RBFOX1: variants seen among roughly 807,000 people sequenced by gnomAD.
RBFOX1 encodes the protein RNA binding protein fox-1 homolog 1.
In RBFOX1, 8 loss-of-function variants were observed where a neutral mutation model predicts 57.7. The ratio of observed to expected loss-of-function variants is 0.14; its 90% CI spans 0.08 to 0.25. RBFOX1 has a LOEUF of 0.25. RBFOX1 is among the 10% of genes least tolerant of loss of function. The probability of loss-of-function intolerance (pLI) is 1.00; values close to 1 mark genes in which losing one functional copy is unlikely to be tolerated. For missense variants in RBFOX1, 611 were observed against 548.5 expected (o/e 1.11, Z -1.14); for synonymous variants, 326 against 222.4 (o/e 1.47, Z -4.15).
At chr16:5,467,194 C>CTG (rs369815366) in intron 1 of RBFOX1, 2 of 1,448,698 alleles carry the variant, frequency 1.4e-6, no homozygotes, top group African/African-American at 3.0e-5. Flanking sequence ...CTCTCTCTCT[C>CTG]TCTTTTTTTT....
At chr16:7,130,580 AAAT>A (rs1276291665) in intron 4 of RBFOX1, among the ~76,000 whole-genome samples, 1 of 152,172 alleles carries the variant, frequency 6.6e-6, no homozygotes, top group East Asian at 1.9e-4. Context: ...GTCAGTGTGC[AAAT>A]AATGTGTGTT....
At chr16:7,386,929 A>G (rs1184812987) in intron 4 of RBFOX1, among the ~76,000 whole-genome samples, 2 of 152,152 alleles carry the variant, frequency 1.3e-5, no homozygotes, top group South Asian at 2.1e-4. Flanking sequence ...TCTGACTGCC[A>G]TGAGATGTTA....
chr16:6,192,002 T>C (rs987294495), intron 1 of RBFOX1, among the ~76,000 whole-genome samples: 1 of 152,170 alleles, frequency 6.6e-6, no homozygotes, highest in Non-Finnish European at 1.5e-5. Context: ...ATCTAGTAGA[T>C]TGAGGAAGAA....
At chr16:6,148,164 C>T (rs1408748304) in intron 1 of RBFOX1, among the ~76,000 whole-genome samples, 3 of 152,170 alleles carry the variant, frequency 2.0e-5, no homozygotes, top group African/African-American at 7.2e-5. Context: ...CCCGTCTCTA[C>T]TAAAATACAG....
intron 2 of RBFOX1, among the ~76,000 whole-genome samples, chr16:6,379,963 G>A (rs2091624233): frequency 6.6e-6 from 1 of 152,200 alleles, no homozygotes; most frequent in African/African-American, 2.4e-5. Context: ...TGATACAGCA[G>A]TGTTCCCAAG....
intron 1 of RBFOX1, among the ~76,000 whole-genome samples, chr16:5,369,672 T>C (rs1490542349): frequency 6.6e-6 from 1 of 152,160 alleles, no homozygotes; most frequent in Non-Finnish European, 1.5e-5. Flanking sequence ...AAACTAAACA[T>C]ATTTCCAAAG....
At chr16:6,729,151 T>G (rs2067935905) in intron 3 of RBFOX1, among the ~76,000 whole-genome samples, 1 of 152,176 alleles carries the variant, frequency 6.6e-6, no homozygotes, top group Admixed American at 6.5e-5. Context: ...TTTGCTGATA[T>G]TTTCTTCTTA....
chr16:6,369,251 C>G (rs1259791306), intron 2 of RBFOX1, among the ~76,000 whole-genome samples: 4 of 152,030 alleles, frequency 2.6e-5, no homozygotes, highest in Non-Finnish European at 5.9e-5. Flanking sequence ...TTTTTATAAA[C>G]AAAATTGATA....
chr16:5,436,322 G>A (rs1375045562), intron 1 of RBFOX1, among the ~76,000 whole-genome samples: 2 of 152,186 alleles, frequency 1.3e-5, no homozygotes, highest in African/African-American at 4.8e-5. Flanking sequence ...GTGGGCACTG[G>A]TTTTGGTGGA....
At chr16:6,014,598 A>T (rs992024525), upstream of RBFOX1, among the ~76,000 whole-genome samples, 4 of 152,132 alleles carry the variant, frequency 2.6e-5, no homozygotes, top group Non-Finnish European at 5.9e-5. Context: ...ATAAGGTGCA[A>T]TCCATTCCCC....
At chr16:6,255,069 A>G (rs2097651899) in intron 1 of RBFOX1, among the ~76,000 whole-genome samples, 1 of 152,002 alleles carries the variant, frequency 6.6e-6, no homozygotes, top group Non-Finnish European at 1.5e-5. Flanking sequence ...GTTCAGCATC[A>G]CATATGTCCG....
intron 1 of RBFOX1, among the ~76,000 whole-genome samples, chr16:5,374,607 G>A (rs517591): frequency 0.38 from 57,198 of 151,930 alleles, 11,852 homozygotes; most frequent in East Asian, 0.64. Context: ...AATGGTTGGG[G>A]GATGAGCTTG....
chr16:7,039,599 G>C (rs906196909), intron 3 of RBFOX1, among the ~76,000 whole-genome samples: 8 of 151,884 alleles, frequency 5.3e-5, no homozygotes, highest in African/African-American at 1.7e-4. Flanking sequence ...GTTCTTCCTT[G>C]TGACAAAAAG....
chr16:7,578,776 G>T (rs1432604136), intron 5 of RBFOX1, among the ~76,000 whole-genome samples: 1 of 23,734 alleles, frequency 4.2e-5, no homozygotes, highest in Non-Finnish European at 2.2e-4. Context: ...GTTGCTAATT[G>T]CAGAGAAGTA....
chr16:6,554,793 GACACACAC>G (rs1458114682), intron 2 of RBFOX1, among the ~76,000 whole-genome samples: 2 of 148,108 alleles, frequency 1.4e-5, no homozygotes, highest in African/African-American at 5.1e-5. Context: ...CACACACACA[GACACACAC>G]AGATAAACAC....
chr16:7,066,016 A>T (rs916302975), intron 4 of RBFOX1, among the ~76,000 whole-genome samples: 1 of 152,182 alleles, frequency 6.6e-6, no homozygotes, highest in Non-Finnish European at 1.5e-5. Flanking sequence ...ACTATTACCA[A>T]TTGAAATGGT....
intron 1 of RBFOX1, among the ~76,000 whole-genome samples, chr16:5,401,577 C>T (rs1040251654): frequency 6.6e-6 from 1 of 152,084 alleles, no homozygotes; most frequent in Non-Finnish European, 1.5e-5. Flanking sequence ...GACACCCTTC[C>T]CCTAAAAATG....
intron 4 of RBFOX1, among the ~76,000 whole-genome samples, chr16:7,115,733 C>G (rs750658550): frequency 6.6e-6 from 1 of 151,696 alleles, no homozygotes; most frequent in Non-Finnish European, 1.5e-5. Context: ...AGGTGACATT[C>G]CATTTCTCAT....
chr16:7,233,516 A>G (rs528669013), intron 4 of RBFOX1, among the ~76,000 whole-genome samples: 3 of 152,314 alleles, frequency 2.0e-5, no homozygotes, highest in South Asian at 2.1e-4. Flanking sequence ...AATGAGATCA[A>G]TGTGTGGAAA....
Sources: allele counts gnomAD v4.1 joint callset (sites outside exome capture counted in the v4.1 genomes callset), GRCh38; gene constraint gnomAD v4.1.1; transcripts MANE v1.5; gene names NCBI Gene and HGNC (gene_info 2026-07-23, HGNC 2026-07-21).